DYNC2H1: variants seen among roughly 807,000 people sequenced by gnomAD.
DYNC2H1 encodes cytoplasmic dynein 2 heavy chain 1.
DYNC2H1 carries 410 observed loss-of-function variants against 570.0 expected under a neutral mutation model. That is an observed-to-expected ratio of 0.72 (90% CI 0.66 to 0.78). The LOEUF (loss-of-function observed/expected upper bound fraction) is 0.78, where lower values mean the gene tolerates loss of function less well. Ranked by LOEUF, DYNC2H1 falls within the 30% of genes least tolerant of loss-of-function variation. DYNC2H1 has a pLI of 0.00. For synonymous variants in DYNC2H1, 1,688 were observed against 1,677.6 expected (o/e 1.01, Z -0.15); for missense variants, 4,865 against 5,046.4 (o/e 0.96, Z 1.09).
chr11:103,308,600 G>GT (rs1233422440), intron 78 of DYNC2H1, among the ~76,000 whole-genome samples: 1 of 152,048 alleles, frequency 6.6e-6, no homozygotes, highest in Non-Finnish European at 1.5e-5. Context: ...TGGCTACATC[G>GT]TTTTACATTC....
At chr11:103,371,324 G>T (rs1941137075) in intron 83 of DYNC2H1, among the ~76,000 whole-genome samples, 1 of 152,078 alleles carries the variant, frequency 6.6e-6, no homozygotes, top group Non-Finnish European at 1.5e-5. Context: ...ACTGAAAAGG[G>T]CACATCTAAG....
chr11:103,313,391 T>C (rs576005095), intron 79 of DYNC2H1, among the ~76,000 whole-genome samples: 40 of 152,350 alleles, frequency 2.6e-4, no homozygotes, highest in Admixed American at 2.4e-3. Flanking sequence ...TCAATTCTTC[T>C]TGCCAAATGC....
chr11:103,419,927 T>C (rs1047379669), intron 84 of DYNC2H1, among the ~76,000 whole-genome samples: 1 of 151,998 alleles, frequency 6.6e-6, no homozygotes, highest in East Asian at 1.9e-4. Flanking sequence ...ATAGCCAGTT[T>C]AGAGAGGAAC....
chr11:103,209,594 C>G lies in DYNC2H1; in HGVS notation c.8455-282C>G, dbSNP rs1318317262. On this transcript the variant is annotated intron_variant, in intron 52 of 88. Transcript: ENST00000375735. The surrounding 1 kb of genome is among the most constrained non-coding windows in gnomAD (Gnocchi z 4.2). ...TTTTAAATGACATTGTGATTATTTT[C>G]TAATTCAATCCAAATTGTAATTTCC... 6.6e-6 allele frequency among the ~76,000 whole-genome samples: 1 copy of G among 151,936 alleles called. No individual in the cohort carries two copies. The highest frequency in any genetic ancestry group is 1.5e-5 in the Non-Finnish European group (1 of 67,902).
At chr11:103,400,545 C>G (rs1942595287) in intron 84 of DYNC2H1, among the ~76,000 whole-genome samples, 1 of 151,926 alleles carries the variant, frequency 6.6e-6, no homozygotes, top group African/African-American at 2.4e-5. Flanking sequence ...TTGATAGAAA[C>G]AAAAATATGG....
Position 103,163,314 on chromosome 11 carries a change from G to A in DYNC2H1, c.4611+167G>A, listed in dbSNP as rs1273191886. ...CTCAGTTCCTTCAGCTGTAAAATGT[G>A]GGGGATGAATTGAGATCCAAGCAAC... On this transcript the variant is annotated intron_variant, in intron 30 of 88. Transcript: ENST00000375735. The surrounding 1 kb of genome is among the most constrained non-coding windows in gnomAD (Gnocchi z 4.6). 6.6e-6 allele frequency among the ~76,000 whole-genome samples: 1 copy of A among 152,300 alleles called. No individual in the cohort carries two copies. Among genetic ancestry groups the A allele is most frequent in the African/African-American group, 2.4e-5 (1 of 41,566 alleles).
chr11:103,338,367 G>A (rs1414964366), intron 82 of DYNC2H1, among the ~76,000 whole-genome samples: 1 of 152,086 alleles, frequency 6.6e-6, no homozygotes, highest in South Asian at 2.1e-4. Flanking sequence ...ATCTTTTGTG[G>A]TTCCATATAA....
chr11:103,187,478 T>C lies in DYNC2H1; in HGVS notation c.7032T>C (p.Arg2344=), dbSNP rs760382908. 10 of 1,613,270 alleles carry C rather than the reference T, an allele frequency of 6.2e-6. No individual in the cohort carries two copies. In the African/African-American group the frequency reaches 1.2e-4, roughly 19 times the overall value. Residue 2344 remains arginine, a synonymous_variant, in exon 43 of 89, where the codon CGT becomes CGC. Coordinates refer to ENST00000375735, the MANE Select transcript of DYNC2H1 (RefSeq NM_001377.3). ...TCMVISTNTG[R]VYRPKDCERL... is the part of the protein sequence containing the mutation. Reference sequence around the variant, plus strand: ...TGGTAATCAGTACTAATACTGGTCGTGTATACAGACCAAAAGACTGTGAAA... The same window carrying C: ...TGGTAATCAGTACTAATACTGGTCGCGTATACAGACCAAAAGACTGTGAAA...
rs567691494 is a variant in DYNC2H1, at chr11:103,265,050, T to G, written c.10695+5073T>G. 3.3e-4 allele frequency among the ~76,000 whole-genome samples: 50 copies of G among 152,308 alleles called. 1 individual carries two copies. In the East Asian group the frequency reaches 6.0e-3, roughly 18 times the overall value. ...AGGATACAAAAAAAGGATGAATTCA[T>G]GTCCTTTGCAGGGACATGGATGAAG... On this transcript the variant is annotated intron_variant, in intron 70 of 88. Coordinates refer to ENST00000375735, the MANE Select transcript of DYNC2H1 (RefSeq NM_001377.3).
chr11:103,478,193 C>T (rs1945626074), intron 88 of DYNC2H1, among the ~76,000 whole-genome samples: 1 of 152,142 alleles, frequency 6.6e-6, no homozygotes, highest in Non-Finnish European at 1.5e-5. Flanking sequence ...GGTCATTGAT[C>T]ACCTTTGGAG....
At chr11:103,240,967 A>G (rs1350964617) in intron 63 of DYNC2H1, among the ~76,000 whole-genome samples, 2 of 152,156 alleles carry the variant, frequency 1.3e-5, no homozygotes, top group Non-Finnish European at 2.9e-5. Flanking sequence ...GGAGTACTGT[A>G]AGTTTTCCAA....
chr11:103,417,605 G>A (rs143737353), intron 84 of DYNC2H1, among the ~76,000 whole-genome samples: 36 of 151,994 alleles, frequency 2.4e-4, no homozygotes, highest in Admixed American at 1.0e-3. Context: ...TTGGCCAGGC[G>A]TGGTGGTTCA....
chr11:103,378,166 T>C (rs1427114855), intron 83 of DYNC2H1, among the ~76,000 whole-genome samples: 2 of 152,182 alleles, frequency 1.3e-5, no homozygotes, highest in Non-Finnish European at 2.9e-5. Context: ...TTGTTATTAA[T>C]ATTAAGAATT....
chr11:103,202,906 T>A (rs1159240022), intron 50 of DYNC2H1, among the ~76,000 whole-genome samples: 1 of 152,180 alleles, frequency 6.6e-6, no homozygotes, highest in East Asian at 1.9e-4. Context: ...AGTTGTAGTC[T>A]TAATCAACTT....
intron 72 of DYNC2H1, 63 bp from the exon 73 acceptor site, chr11:103,282,942 AATT>A: frequency 8.8e-7 from 1 of 1,140,632 alleles, no homozygotes; most frequent in Non-Finnish European, 1.3e-6. Flanking sequence ...ATAGCTAATC[AATT>A]GCTATTTTTT....
At chr11:103,215,208 GTGGGCATCCT>G (rs1402475393) in intron 54 of DYNC2H1, among the ~76,000 whole-genome samples, 2 of 152,154 alleles carry the variant, frequency 1.3e-5, no homozygotes, top group Non-Finnish European at 2.9e-5. Flanking sequence ...AGTGGTGAAA[GTGGGCATCCT>G]TGTCTTGTTC....
At chr11:103,284,409 A>G (rs1866268102) in intron 73 of DYNC2H1, among the ~76,000 whole-genome samples, 1 of 152,190 alleles carries the variant, frequency 6.6e-6, no homozygotes, top group South Asian at 2.1e-4. Flanking sequence ...ATACCAGTGG[A>G]ATGACAGGTG....
At chr11:103,450,558 G>GAAATAAAATAAATACTTGTA (rs1944565252) in intron 85 of DYNC2H1, among the ~76,000 whole-genome samples, 1 of 152,036 alleles carries the variant, frequency 6.6e-6, no homozygotes, top group Admixed American at 6.5e-5. Context: ...AAAATATTTG[G>GAAATAAAATAAATACTTGTA]AAATAAAATA....
chr11:103,313,171 A>G (rs1480206414), intron 79 of DYNC2H1, among the ~76,000 whole-genome samples: 2 of 152,164 alleles, frequency 1.3e-5, no homozygotes, highest in Admixed American at 1.3e-4. Flanking sequence ...ATGCCTTACC[A>G]TAGTCCAGAA....
Sources: allele counts gnomAD v4.1 joint callset (sites outside exome capture counted in the v4.1 genomes callset), GRCh38; gene constraint gnomAD v4.1.1; non-coding constraint Gnocchi (gnomAD v3.1); transcripts MANE v1.5; gene names NCBI Gene and HGNC (gene_info 2026-07-23, HGNC 2026-07-21).